ALPK2: variants seen among roughly 807,000 people sequenced by gnomAD.
ALPK2 encodes alpha kinase 2, also known as alpha-protein kinase 2.
In ALPK2, 127 loss-of-function variants were observed where a neutral mutation model predicts 163.1. The ratio of observed to expected loss-of-function variants is 0.78; its 90% CI spans 0.67 to 0.90. ALPK2 has a LOEUF of 0.90. ALPK2 is among the 40% of genes least tolerant of loss of function. The probability of loss-of-function intolerance (pLI) is 0.00; values close to 1 mark genes in which losing one functional copy is unlikely to be tolerated. For missense variants in ALPK2, 2,360 were observed against 2,589.6 expected (o/e 0.91, Z 1.92); for synonymous variants, 953 against 959.1 (o/e 0.99, Z 0.12).
chr18:58,571,970 C>A (rs1310953112), intron 4 of ALPK2, among the ~76,000 whole-genome samples: 2 of 78,824 alleles, frequency 2.5e-5, no homozygotes, highest in South Asian at 6.3e-4. Flanking sequence ...AGGTAGACTC[C>A]ATCTCAAAAA....
At chr18:58,610,759 G>A (rs1344881956) in intron 2 of ALPK2, among the ~76,000 whole-genome samples, 1 of 151,908 alleles carries the variant, frequency 6.6e-6, no homozygotes, top group Non-Finnish European at 1.5e-5. Context: ...GGCCAACATG[G>A]TGAACCACCC....
chr18:58,524,122 A>G (rs1267042944), intron 6 of ALPK2, 60 bp from the exon 7 acceptor site: 34 of 1,558,180 alleles, frequency 2.2e-5, no homozygotes, highest in Non-Finnish European at 3.0e-5. Flanking sequence ...ATTTTTTCCT[A>G]ATATACTTAA....
At position 58,523,815 on chromosome 18, in the gene ALPK2, C is replaced by T. The variant is rs2051569035; in HGVS notation, c.5656G>A (p.Asp1886Asn). 1.2e-6 allele frequency: 2 copies of T among 1,614,056 alleles called. No individual in the cohort carries two copies. The highest frequency in any genetic ancestry group is 3.3e-5 in the Admixed American group (2 of 60,006). ...ACCCTAACTGACTTACCTTTAGTAT[C>T]CTGGCGACTTGACAGCTGTTTGAGA... ...EVLKQLSSRQ[D>N]TKGCEEIEFS... Residue 1886 changes from aspartate (D) to asparagine (N), a missense_variant, in exon 8 of 13, where the codon GAT becomes AAT. By Grantham distance (23) the Asp-to-Asn change is conservative. Transcript: ENST00000361673.
chr18:58,569,201 T>TG (rs531553656), intron 4 of ALPK2, among the ~76,000 whole-genome samples: 8 of 151,862 alleles, frequency 5.3e-5, no homozygotes, highest in Non-Finnish European at 7.4e-5. Flanking sequence ...GACCCAGTCT[T>TG]GGGGGGGAGA....
At chr18:58,505,544 C>T (rs2051457594) in intron 10 of ALPK2, among the ~76,000 whole-genome samples, 1 of 152,152 alleles carries the variant, frequency 6.6e-6, no homozygotes, top group Non-Finnish European at 1.5e-5. Context: ...GGTATTGCTC[C>T]AGCAGTTTTT....
chr18:58,491,192 C>T (rs921901851), intron 12 of ALPK2, among the ~76,000 whole-genome samples: 1 of 152,204 alleles, frequency 6.6e-6, no homozygotes, highest in East Asian at 1.9e-4. Context: ...TTGCTTCTCA[C>T]CTCCAAGCTC....
At chr18:58,527,552 T>C (rs974074248) in intron 6 of ALPK2, among the ~76,000 whole-genome samples, 15 of 152,176 alleles carry the variant, frequency 9.9e-5, no homozygotes, top group Non-Finnish European at 1.6e-4. Flanking sequence ...CCCGCAAATA[T>C]TCAAGTGGTA....
intron 4 of ALPK2, 71 bp downstream of exon 4, chr18:58,578,743 C>CACACACACACACACACACACACAT: frequency 7.6e-7 from 1 of 1,311,916 alleles, no homozygotes; most frequent in Non-Finnish European, 1.0e-6. Flanking sequence ...GACACACACA[C>CACACACACACACACACACACACAT]ACACACACAC....
At chr18:58,545,599 G>A (rs993549859) in intron 4 of ALPK2, among the ~76,000 whole-genome samples, 1 of 152,228 alleles carries the variant, frequency 6.6e-6, no homozygotes. Flanking sequence ...CCAATCAGAA[G>A]CCCCGGGGCC....
intron 12 of ALPK2, among the ~76,000 whole-genome samples, chr18:58,496,439 G>T (rs974954937): frequency 1.3e-5 from 2 of 152,186 alleles, no homozygotes; most frequent in Admixed American, 6.5e-5. Flanking sequence ...CCAGGGAAAA[G>T]GTCCAAACCG....
chr18:58,553,095 C>A (rs1247312073), intron 4 of ALPK2, among the ~76,000 whole-genome samples: 1 of 152,110 alleles, frequency 6.6e-6, no homozygotes, highest in Non-Finnish European at 1.5e-5. Context: ...CCCCCAAGGG[C>A]TTCTGGCCAC....
intron 1 of ALPK2, among the ~76,000 whole-genome samples, chr18:58,625,040 C>T (rs184437435): frequency 6.6e-6 from 1 of 152,274 alleles, no homozygotes; most frequent in Admixed American, 6.5e-5. Context: ...TCTTTCTGCC[C>T]TCCATGTTTT....
chr18:58,545,698 A>ACTT (rs34654404), intron 4 of ALPK2, among the ~76,000 whole-genome samples: 25,377 of 152,012 alleles, frequency 0.17, 2,440 homozygotes, highest in East Asian at 0.32. Context: ...TCATTCTCCA[A>ACTT]CTTCTTTTTT....
intron 4 of ALPK2, among the ~76,000 whole-genome samples, chr18:58,549,686 G>A (rs2051739670): frequency 6.6e-6 from 1 of 152,228 alleles, no homozygotes; most frequent in African/African-American, 2.4e-5. Flanking sequence ...AATCAGGGAT[G>A]TGGGAGATGA....
In ALPK2 at chr18:58,580,033, T is replaced by A. The variant is rs1303397060; in HGVS notation, c.743A>T (p.Asn248Ile). 6.2e-7 allele frequency: 1 copy of A among 1,614,262 alleles called. No individual in the cohort carries two copies. Among genetic ancestry groups the A allele is most frequent in the Non-Finnish European group, 8.5e-7 (1 of 1,180,044 alleles). The change falls in exon 4 of 13, where the codon AAC becomes ATC. Residue 248 changes from asparagine (N) to isoleucine (I), a missense_variant. Asn to Ile is a moderately radical substitution (Grantham distance 149). Coordinates refer to ENST00000361673, the MANE Select transcript of ALPK2 (RefSeq NM_052947.4). ...MASKFTDGDL[N>I]NDGPHDEGLR... is the part of the protein sequence containing the mutation. Reference sequence around the variant, plus strand: ...GCCTTCATCATGAGGACCATCATTGTTCAGGTCACCATCCGTGAACTTTGA... The same window carrying A: ...GCCTTCATCATGAGGACCATCATTGATCAGGTCACCATCCGTGAACTTTGA...
intron 6 of ALPK2, among the ~76,000 whole-genome samples, chr18:58,526,123 C>G (rs2051583595): frequency 6.6e-6 from 1 of 152,126 alleles, no homozygotes; most frequent in Non-Finnish European, 1.5e-5. Flanking sequence ...GTTTCATATC[C>G]TCTTACCCTG....
intron 12 of ALPK2, among the ~76,000 whole-genome samples, chr18:58,487,004 G>C (rs989210092): frequency 9.2e-5 from 14 of 152,214 alleles, no homozygotes; most frequent in Admixed American, 3.9e-4. Flanking sequence ...TGAATCTGGA[G>C]CTGTAGGCCA....
chr18:58,538,641 C>A (rs1294903978), intron 4 of ALPK2: 1 of 165,320 alleles, frequency 6.0e-6, no homozygotes, highest in Admixed American at 5.9e-5. Flanking sequence ...TGCAAAACAG[C>A]AATAAGCAAT....
chr18:58,521,332 G>A (rs951584723), intron 8 of ALPK2, among the ~76,000 whole-genome samples: 2 of 152,232 alleles, frequency 1.3e-5, no homozygotes, highest in Non-Finnish European at 2.9e-5. Context: ...ACAAGTGTCT[G>A]AGATGTGAAT....
Sources: allele counts gnomAD v4.1 joint callset (sites outside exome capture counted in the v4.1 genomes callset), GRCh38; gene constraint gnomAD v4.1.1; transcripts MANE v1.5; gene names NCBI Gene and HGNC (gene_info 2026-07-23, HGNC 2026-07-21).